The following NISCH variants were observed in gnomAD, a reference collection of about 807,000 sequenced individuals.
NISCH encodes nischarin.
In NISCH, 55 loss-of-function variants were observed where a neutral mutation model predicts 138.4. The observed-to-expected ratio is 0.40, with a 90% CI of 0.32 to 0.50. The LOEUF is 0.50. Among genes scored for constraint, NISCH ranks in the 20% least tolerant of loss-of-function variants. The probability of loss-of-function intolerance (pLI) is 0.71; values close to 1 mark genes in which losing one functional copy is unlikely to be tolerated. For missense variants in NISCH, 1,643 were observed against 2,005.5 expected (o/e 0.82, Z 3.45); for synonymous variants, 860 against 861.5 (o/e 1.00, Z 0.03).
intron 3 of NISCH, among the ~76,000 whole-genome samples, chr3:52,462,707 C>G (rs969862921): frequency 4.6e-5 from 7 of 152,094 alleles, no homozygotes; most frequent in Non-Finnish European, 7.4e-5. Flanking sequence ...ACGATCTCGG[C>G]TCACTGCAAC....
chr3:52,464,145 C>A (rs1221105290), intron 3 of NISCH, among the ~76,000 whole-genome samples: 1 of 151,816 alleles, frequency 6.6e-6, no homozygotes, highest in South Asian at 2.1e-4. Flanking sequence ...TGCCTGTAAT[C>A]CCAGCACTTT....
At chr3:52,476,409 GC>G in intron 7 of NISCH, 37 bp from the exon 8 acceptor site, 1 of 1,607,910 alleles carries the variant, frequency 6.2e-7, no homozygotes, top group Non-Finnish European at 8.5e-7. Context: ...TTGCGTGAGG[GC>G]CCGAGTGTGG....
chr3:52,491,264 CT>C, intron 19 of NISCH, 87 bp from the exon 20 acceptor site: 2 of 1,507,904 alleles, frequency 1.3e-6, no homozygotes, highest in Non-Finnish European at 1.8e-6. Flanking sequence ...TGGGCTGAGG[CT>C]TGCTAGGGAC....
At chr3:52,481,014 G>A (rs1191735218) in intron 13 of NISCH, 37 of 1,394,976 alleles carry the variant, frequency 2.7e-5, no homozygotes, top group Admixed American at 2.4e-4. Flanking sequence ...CCGCCTGCCC[G>A]GGCTCCTGGA....
Position 52,491,867 on chromosome 3 carries a change from T to C in NISCH, c.3905-5T>C. On this transcript the variant is annotated splice_region_variant and splice_polypyrimidine_tract_variant and intron_variant, in intron 20 of 20. Coordinates refer to ENST00000345716, the MANE Select transcript of NISCH (RefSeq NM_007184.4). ...GGCTATAGCCCAGGTGGCATCTCTC[T>C]GCAGGGAAGATGGAGAACTACGAGC... 6.3e-7 allele frequency: 1 copy of C among 1,580,724 alleles called. No homozygotes were observed. Among genetic ancestry groups the C allele is most frequent in the South Asian group, 1.2e-5 (1 of 86,110 alleles).
intron 11 of NISCH, among the ~76,000 whole-genome samples, 180 bp downstream of exon 11, chr3:52,478,757 TGC>T (rs1273678755): frequency 6.6e-6 from 1 of 152,196 alleles, no homozygotes; most frequent in African/African-American, 2.4e-5. Context: ...AAAGCTCCCT[TGC>T]ATCTCCTGCC....
rs1397801451 is a variant in NISCH, at chr3:52,476,533, C to T, written c.852C>T (p.Pro284=). Residue 284 remains proline, a synonymous_variant, in exon 8 of 21, where the codon CCC becomes CCT. Transcript: ENST00000345716. ...AAGGCCCTGTGACTGCCGTCATCCC[C>T]ACTTGGCAGGCATTGACCACGCTTG... The part of the protein sequence containing the change: ...TLEGPVTAVI[P]TWQALTTLDL... 6.2e-7 allele frequency: 1 copy of T among 1,614,118 alleles called. No individual in the cohort carries two copies. The highest frequency in any genetic ancestry group is 8.5e-7 in the Non-Finnish European group (1 of 1,179,980).
Position 52,479,110 on chromosome 3 carries a change from G to A in NISCH, c.1302+533G>A, listed in dbSNP as rs776879839. ...GTGTCCCACCTCCCTCTTTGTGGCCGCAAGTGCCCCTTCCTCCACACAGTC... is the reference window on the plus strand; with the variant it reads ...GTGTCCCACCTCCCTCTTTGTGGCCACAAGTGCCCCTTCCTCCACACAGTC... On this transcript the variant is annotated intron_variant, in intron 11 of 20. Coordinates refer to ENST00000345716, the MANE Select transcript of NISCH (RefSeq NM_007184.4). 1.8e-4 allele frequency among the ~76,000 whole-genome samples: 28 copies of A among 152,202 alleles called. No homozygotes were observed. In the East Asian group the frequency reaches 3.1e-3, roughly 17 times the overall value.
intron 13 of NISCH, chr3:52,481,901 A>G (rs1707286255): frequency 1.0e-6 from 1 of 985,368 alleles, no homozygotes. Flanking sequence ...ATAAAACTGC[A>G]GTGGATGTCT....
chr3:52,470,446 G>C (rs540844841), intron 3 of NISCH: 24 of 179,826 alleles, frequency 1.3e-4, no homozygotes, highest in Admixed American at 5.2e-4. Flanking sequence ...ATCCCACCAG[G>C]GTGATAAGAG....
At chr3:52,482,661 G>C (rs943452216) in intron 13 of NISCH, among the ~76,000 whole-genome samples, 2 of 152,192 alleles carry the variant, frequency 1.3e-5, no homozygotes, top group South Asian at 4.1e-4. Flanking sequence ...TCTCATAGTC[G>C]CTGTCAGCCA....
chr3:52,487,772 CTT>C lies in NISCH; in HGVS notation c.2283_2284del (p.Phe761LeufsTer27). The stretch of plus-strand genomic sequence containing the variant: ...ACATCCTCTCCTCCCTGCGCTTTGT[CTT>C]TTGCTTCCCGCATGGCGACCTCACC... ...QHILSSLRFV[F>X]CFPHGDLTEF... On this transcript the variant is annotated frameshift_variant, in exon 16 of 21. Coordinates refer to ENST00000345716, the MANE Select transcript of NISCH (RefSeq NM_007184.4). LOFTEE classifies it high-confidence loss of function. The surrounding 1 kb of genome is among the most constrained non-coding windows in gnomAD (Gnocchi z 9.1). 1 of 1,613,826 alleles carries C rather than the reference CTT, an allele frequency of 6.2e-7. No homozygotes were observed. Among genetic ancestry groups the C allele is most frequent in the Non-Finnish European group, 8.5e-7 (1 of 1,180,012 alleles).
chr3:52,465,689 C>T (rs926381973), intron 3 of NISCH, among the ~76,000 whole-genome samples: 4 of 152,294 alleles, frequency 2.6e-5, no homozygotes, highest in Non-Finnish European at 4.4e-5. Flanking sequence ...CCATGTGGGC[C>T]GGGACCTCCA....
chr3:52,489,861 C>A, intron 17 of NISCH, 183 bp downstream of exon 17: 2 of 1,232,876 alleles, frequency 1.6e-6, no homozygotes, highest in South Asian at 1.6e-5. Context: ...GCCATTTGTG[C>A]TGTGTCACCA....
chr3:52,483,333 ACTGGGCTGTGGCGATG>A (rs1345892271), intron 13 of NISCH, among the ~76,000 whole-genome samples: 2 of 152,068 alleles, frequency 1.3e-5, no homozygotes, highest in Non-Finnish European at 2.9e-5. Context: ...GGGTCATTTC[ACTGGGCTGTGGCGATG>A]CTGGGCTGTG....
chr3:52,487,339 G>C lies in NISCH; in HGVS notation c.1847G>C (p.Arg616Pro). The C allele has an allele frequency of 6.2e-7, 1 of 1,613,976 alleles. No individual in the cohort carries two copies. The highest frequency in any genetic ancestry group is 8.5e-7 in the Non-Finnish European group (1 of 1,180,026). ...LSTLIRQAIE[R>P]QLPAWIEAAN... is the part of the protein sequence containing the mutation. ...ACACTGATCCGGCAGGCCATCGAGC[G>C]GCAGCTGCCTGCCTGGATCGAGGCT... Residue 616 changes from arginine (R) to proline (P), a missense_variant, in exon 16 of 21, where the codon CGG (arginine) becomes CCG (proline). By Grantham distance (103) the Arg-to-Pro change is moderately radical. Coordinates refer to ENST00000345716, the MANE Select transcript of NISCH (RefSeq NM_007184.4). This position sits in a 1 kb window ranked among gnomAD's most constrained non-coding sequence, Gnocchi z 9.1.
chr3:52,477,503 C>A (rs1311222580), intron 8 of NISCH, 71 bp from the exon 9 acceptor site: 3 of 1,330,060 alleles, frequency 2.3e-6, no homozygotes, highest in African/African-American at 1.4e-5. Flanking sequence ...GGGTGCCCGT[C>A]CACTGTGTCG....
At chr3:52,480,752 G>T in intron 13 of NISCH, 1 of 1,432,572 alleles carries the variant, frequency 7.0e-7, no homozygotes, top group Non-Finnish European at 9.1e-7. Flanking sequence ...GGGTGACCCA[G>T]CCCCAGAACA....
intron 11 of NISCH, among the ~76,000 whole-genome samples, chr3:52,479,309 G>C (rs968533366): frequency 4.6e-4 from 70 of 152,058 alleles, no homozygotes; most frequent in African/African-American, 1.6e-3. Flanking sequence ...GCAGGCGGGG[G>C]CCCTGCCCTC....
Sources: allele counts gnomAD v4.1 joint callset (sites outside exome capture counted in the v4.1 genomes callset), GRCh38; gene constraint gnomAD v4.1.1; non-coding constraint Gnocchi (gnomAD v3.1); transcripts MANE v1.5; gene names NCBI Gene and HGNC (gene_info 2026-07-23, HGNC 2026-07-21).